NDUFAF2: variants seen among roughly 807,000 people sequenced by gnomAD.
NDUFAF2 encodes the protein NADH:ubiquinone oxidoreductase complex assembly factor 2.
Under a neutral mutation model 22.8 loss-of-function variants are expected in NDUFAF2, and 13 were observed. The observed-to-expected ratio is 0.57, with a 90% CI of 0.37 to 0.91. NDUFAF2 has a LOEUF of 0.91. Ranked by LOEUF, NDUFAF2 falls within the 40% of genes least tolerant of loss-of-function variation. The probability of loss-of-function intolerance (pLI) is 0.01; values close to 1 mark genes in which losing one functional copy is unlikely to be tolerated. For missense variants in NDUFAF2, 162 were observed against 195.2 expected (o/e 0.83, Z 1.01); for synonymous variants, 53 against 64.2 (o/e 0.83, Z 0.84).
intron 1 of NDUFAF2, among the ~76,000 whole-genome samples, chr5:61,036,852 A>G (rs726823): frequency 6.6e-6 from 1 of 152,124 alleles, no homozygotes; most frequent in African/African-American, 2.4e-5. Context: ...TCCTGTTGGT[A>G]TTGCCTATTA....
chr5:61,115,651 A>G (rs142953762), intron 3 of NDUFAF2: 1 of 152,274 alleles, frequency 6.6e-6, no homozygotes, highest in African/African-American at 2.4e-5. Context: ...CTCATTTCAT[A>G]AAACACCAGG....
chr5:60,959,661 C>T (rs907821111), intron 1 of NDUFAF2, among the ~76,000 whole-genome samples: 3 of 151,898 alleles, frequency 2.0e-5, no homozygotes, highest in African/African-American at 4.8e-5. Context: ...AACATGCCTT[C>T]GGTTTAGTGA....
intron 1 of NDUFAF2, among the ~76,000 whole-genome samples, chr5:61,049,233 T>G (rs1226918775): frequency 6.6e-6 from 1 of 152,120 alleles, no homozygotes; most frequent in Non-Finnish European, 1.5e-5. Flanking sequence ...TAATTTTTTA[T>G]TAACCCAGCC....
At chr5:61,075,612 C>A (rs1260715746) in intron 2 of NDUFAF2, among the ~76,000 whole-genome samples, 2 of 152,024 alleles carry the variant, frequency 1.3e-5, no homozygotes, top group African/African-American at 4.8e-5. Flanking sequence ...GCCTTTGAGA[C>A]TTTCAGAGAG....
Position 60,945,206 on chromosome 5 carries a change from C to T in NDUFAF2, c.-50C>T, listed in dbSNP as rs370364064. Reference sequence around the variant, plus strand: ...GGCTGGGTCGGCGGCTGGAGCATTACCCCTACTGCGGGTCCCGCTGCTGGC... The same window carrying T: ...GGCTGGGTCGGCGGCTGGAGCATTATCCCTACTGCGGGTCCCGCTGCTGGC... On this transcript the variant is annotated 5_prime_UTR_variant, in exon 1 of 4. Transcript: ENST00000296597. 1.5e-5 allele frequency: 24 copies of T among 1,603,572 alleles called. No individual in the cohort carries two copies. The highest frequency in any genetic ancestry group is 1.1e-4 in the African/African-American group (8 of 74,678).
At chr5:61,033,276 G>A (rs1422549937) in intron 1 of NDUFAF2, among the ~76,000 whole-genome samples, 1 of 152,048 alleles carries the variant, frequency 6.6e-6, no homozygotes, top group African/African-American at 2.4e-5. Flanking sequence ...ACTTTAAAAA[G>A]TTGGGCTTAC....
At chr5:60,992,110 A>G (rs753636223) in intron 1 of NDUFAF2, among the ~76,000 whole-genome samples, 6 of 152,256 alleles carry the variant, frequency 3.9e-5, no homozygotes, top group Non-Finnish European at 7.4e-5. Flanking sequence ...AGAAATGTCT[A>G]TTCAAATCTT....
chr5:61,002,645 C>T (rs1751311834), intron 1 of NDUFAF2, among the ~76,000 whole-genome samples: 3 of 152,230 alleles, frequency 2.0e-5, no homozygotes, highest in Admixed American at 6.5e-5. Flanking sequence ...TGCAGATGTA[C>T]AGTTGGATAC....
chr5:61,134,547 G>A (rs569421149), intron 3 of NDUFAF2, among the ~76,000 whole-genome samples: 113 of 152,164 alleles, frequency 7.4e-4, no homozygotes, highest in Middle Eastern at 3.4e-3. Flanking sequence ...TTAGCCGGAC[G>A]TGGTGGCACG....
intron 1 of NDUFAF2, among the ~76,000 whole-genome samples, chr5:61,068,616 A>T (rs1056487237): frequency 1.3e-5 from 2 of 151,804 alleles, no homozygotes; most frequent in Admixed American, 6.6e-5. Flanking sequence ...GGTCATTTTT[A>T]TTTTTTTCTA....
At chr5:60,974,906 C>T (rs1750882132) in intron 1 of NDUFAF2, among the ~76,000 whole-genome samples, 2 of 152,104 alleles carry the variant, frequency 1.3e-5, no homozygotes, top group Non-Finnish European at 2.9e-5. Context: ...ACTTCCTCCT[C>T]CCGGGTTCAA....
intron 3 of NDUFAF2, among the ~76,000 whole-genome samples, chr5:61,100,356 C>A (rs765883109): frequency 1.7e-4 from 26 of 152,084 alleles, no homozygotes; most frequent in Non-Finnish European, 3.2e-4. Flanking sequence ...GGCACAACTT[C>A]TGTAAATTTT....
At chr5:61,136,140 T>C (rs1740934956) in intron 3 of NDUFAF2, among the ~76,000 whole-genome samples, 1 of 150,416 alleles carries the variant, frequency 6.6e-6, no homozygotes, top group Non-Finnish European at 1.5e-5. Context: ...GTTCTATTTA[T>C]TTCCATCTTT....
intron 1 of NDUFAF2, among the ~76,000 whole-genome samples, chr5:61,048,916 G>T (rs1364600629): frequency 6.6e-6 from 1 of 152,062 alleles, no homozygotes; most frequent in Non-Finnish European, 1.5e-5. Context: ...TCACAATGGG[G>T]CGCACTTTTT....
intron 3 of NDUFAF2, among the ~76,000 whole-genome samples, chr5:61,109,861 C>G (rs943191173): frequency 6.6e-6 from 1 of 152,136 alleles, no homozygotes; most frequent in African/African-American, 2.4e-5. Context: ...GTCAATTAAA[C>G]CTCTTCTTTT....
At chr5:61,117,849 T>C (rs906219537) in intron 3 of NDUFAF2, among the ~76,000 whole-genome samples, 1 of 152,158 alleles carries the variant, frequency 6.6e-6, no homozygotes, top group African/African-American at 2.4e-5. Context: ...ATAGATGGTA[T>C]GTAAATAAGT....
chr5:61,127,136 A>G (rs750987070), intron 3 of NDUFAF2, among the ~76,000 whole-genome samples: 2 of 152,176 alleles, frequency 1.3e-5, no homozygotes, highest in East Asian at 3.9e-4. Flanking sequence ...AAATTGAGGC[A>G]ATAATTAATA....
chr5:61,101,173 C>T (rs904841618), intron 3 of NDUFAF2, among the ~76,000 whole-genome samples: 1 of 151,796 alleles, frequency 6.6e-6, no homozygotes, highest in Non-Finnish European at 1.5e-5. Context: ...TAAACCGTAA[C>T]AAAAAAATAG....
At chr5:61,008,013 G>A (rs1003084053) in intron 1 of NDUFAF2, among the ~76,000 whole-genome samples, 1 of 152,082 alleles carries the variant, frequency 6.6e-6, no homozygotes, top group Non-Finnish European at 1.5e-5. Flanking sequence ...GGACATGCAT[G>A]AAATTGGAAA....
Sources: allele counts gnomAD v4.1 joint callset (sites outside exome capture counted in the v4.1 genomes callset), GRCh38; gene constraint gnomAD v4.1.1; transcripts MANE v1.5; gene names NCBI Gene and HGNC (gene_info 2026-07-23, HGNC 2026-07-21).